The following ERBIN variants were observed in gnomAD, a reference collection of about 807,000 sequenced individuals.
The protein encoded by ERBIN is erbb2 interacting protein, also known as densin-180-like protein.
ERBIN carries 60 observed loss-of-function variants against 158.4 expected under a neutral mutation model. The observed-to-expected ratio is 0.38, with a 90% confidence interval of 0.31 to 0.47. The LOEUF (loss-of-function observed/expected upper bound fraction) is 0.47. Ranked by LOEUF, ERBIN falls within the 20% of genes least tolerant of loss-of-function variation. The pLI, the probability that ERBIN is intolerant of heterozygous loss-of-function variation, is 0.99. For missense variants in ERBIN, 1,610 were observed against 1,648.0 expected (o/e 0.98, Z 0.40); for synonymous variants, 594 against 557.2 (o/e 1.07, Z -0.93).
intron 14 of ERBIN, 45 bp downstream of exon 14, chr5:66,028,388 T>G (rs763954228): frequency 6.5e-7 from 1 of 1,527,870 alleles, no homozygotes; most frequent in Admixed American, 1.7e-5. Context: ...TTATTTGTGT[T>G]ATATAGTTTT....
intron 1 of ERBIN, among the ~76,000 whole-genome samples, chr5:65,982,236 A>G (rs1394725204): frequency 1.3e-5 from 2 of 152,088 alleles, no homozygotes; most frequent in African/African-American, 4.8e-5. Context: ...CAGGAGAAGA[A>G]CCCCAAATTG....
At chr5:66,076,700 T>A in intron 24 of ERBIN, 175 bp from the exon 25 acceptor site, 1 of 615,318 alleles carries the variant, frequency 1.6e-6, no homozygotes, top group Non-Finnish European at 2.9e-6. Context: ...ATCACTAAAG[T>A]CAGAATTACT....
At position 66,025,965 on chromosome 5, in the gene ERBIN, G is replaced by C. The variant is rs1756196454; in HGVS notation, c.1008G>C (p.Gln336His). The C allele has an allele frequency of 1.0e-5, 16 of 1,582,822 alleles. No homozygotes were observed. The highest frequency in any genetic ancestry group is 1.4e-5 in the Non-Finnish European group (16 of 1,168,508). Residue 336 changes from glutamine to histidine, a missense_variant, in exon 12 of 26, where the codon CAG becomes CAC. Around this residue, in one of 2 missense-constraint regions of ERBIN, gnomAD observed 596 missense variants for 711.9 expected, o/e 0.84. Transcript: ENST00000284037. ...CTGCTGATCATAATTACTTACAGCA[G>C]TTGCCCCCAGAGGTAATGTATTTTA... ...TFAADHNYLQQLPPEIGSWKN... is the reference protein window; with the variant it reads ...TFAADHNYLQHLPPEIGSWKN...
intron 7 of ERBIN, among the ~76,000 whole-genome samples, chr5:66,018,480 T>TATAATATATAA (rs1491284373): frequency 5.5e-4 from 3 of 5,502 alleles, no homozygotes; most frequent in South Asian, 7.4e-3. Context: ...ATATTATATA[T>TATAATATATAA]TATATATTAT....
At chr5:65,947,721 A>T (rs1745946276) in intron 1 of ERBIN, among the ~76,000 whole-genome samples, 1 of 152,140 alleles carries the variant, frequency 6.6e-6, no homozygotes, top group Non-Finnish European at 1.5e-5. Context: ...TTAAATCTTA[A>T]ATAAGCTGGA....
intron 14 of ERBIN, among the ~76,000 whole-genome samples, chr5:66,035,230 G>C (rs1439205391): frequency 6.6e-6 from 1 of 152,140 alleles, no homozygotes; most frequent in Non-Finnish European, 1.5e-5. Flanking sequence ...CTTCAGCCCA[G>C]TTCTTGTGCC....
chr5:65,933,393 A>T (rs776917800), intron 1 of ERBIN, among the ~76,000 whole-genome samples: 5 of 152,144 alleles, frequency 3.3e-5, no homozygotes, highest in Admixed American at 6.5e-5. Flanking sequence ...ATATTTAACG[A>T]GTTTCTCTTT....
rs140451519 is a variant in ERBIN, at chr5:66,071,556, A to G, written c.3634-613A>G. On this transcript the variant is annotated intron_variant, in intron 21 of 25. Coordinates refer to ENST00000284037, the MANE Select transcript of ERBIN (RefSeq NM_001253697.2). Reference sequence around the variant, plus strand: ...TTCTGAAACTATTGAACTCATATCAATGTGGCAGAATTAAGCTAAAGCAAA... The same window carrying G: ...TTCTGAAACTATTGAACTCATATCAGTGTGGCAGAATTAAGCTAAAGCAAA... Among the ~76,000 whole-genome samples, 179 of 152,248 alleles carry G rather than the reference A, an allele frequency of 1.2e-3. 1 individual carries two copies. Among genetic ancestry groups the G allele is most frequent in the Admixed American group, 1.9e-3 (29 of 15,288 alleles).
chr5:66,017,035 CT>C (rs1245171184), intron 7 of ERBIN, among the ~76,000 whole-genome samples: 1 of 152,028 alleles, frequency 6.6e-6, no homozygotes, highest in Non-Finnish European at 1.5e-5. Context: ...CAGGCAGCCT[CT>C]TTTATGGCTG....
At chr5:65,983,379 C>G (rs533473463) in intron 1 of ERBIN, among the ~76,000 whole-genome samples, 23 of 151,998 alleles carry the variant, frequency 1.5e-4, no homozygotes, top group Non-Finnish European at 2.5e-4. Flanking sequence ...TCTTACACAG[C>G]GTTTATAATT....
At chr5:65,932,756 G>A (rs1338448847) in intron 1 of ERBIN, among the ~76,000 whole-genome samples, 3 of 152,016 alleles carry the variant, frequency 2.0e-5, no homozygotes, top group African/African-American at 7.2e-5. Context: ...CTTGTTTTTG[G>A]AACAGAGTTT....
intron 7 of ERBIN, among the ~76,000 whole-genome samples, chr5:66,016,079 G>T (rs1206550895): frequency 6.6e-6 from 1 of 152,208 alleles, no homozygotes; most frequent in African/African-American, 2.4e-5. Flanking sequence ...TGAGGACAGA[G>T]ACTGTGTCTG....
chr5:65,992,512 A>G (rs1751986971), intron 2 of ERBIN, among the ~76,000 whole-genome samples, 198 bp from the exon 3 acceptor site: 1 of 152,214 alleles, frequency 6.6e-6, no homozygotes, highest in Non-Finnish European at 1.5e-5. Context: ...GAAGTACTAA[A>G]GAGCTTGAGT....
At chr5:65,999,406 T>G (rs892433154) in intron 4 of ERBIN, among the ~76,000 whole-genome samples, 2 of 152,184 alleles carry the variant, frequency 1.3e-5, no homozygotes, top group African/African-American at 4.8e-5. Context: ...CTAAGCTTAT[T>G]TAAATTTAAG....
chr5:65,985,666 A>G (rs1024122973), intron 1 of ERBIN, among the ~76,000 whole-genome samples: 1 of 152,172 alleles, frequency 6.6e-6, no homozygotes, highest in Non-Finnish European at 1.5e-5. Context: ...GATTGTTTCT[A>G]TCTATCTGTC....
At chr5:65,998,231 A>ATAT (rs1554055290) in intron 4 of ERBIN, among the ~76,000 whole-genome samples, 13 of 149,156 alleles carry the variant, frequency 8.7e-5, no homozygotes, top group African/African-American at 3.2e-4. Flanking sequence ...CTCAAAAAAA[A>ATAT]ATATATATAT....
At chr5:65,984,533 G>T (rs1751005849) in intron 1 of ERBIN, among the ~76,000 whole-genome samples, 1 of 152,224 alleles carries the variant, frequency 6.6e-6, no homozygotes, top group Non-Finnish European at 1.5e-5. Context: ...CCATGATTGG[G>T]AACTCACCAT....
intron 1 of ERBIN, among the ~76,000 whole-genome samples, chr5:65,935,127 C>T (rs1311798777): frequency 2.6e-5 from 4 of 152,100 alleles, no homozygotes; most frequent in African/African-American, 7.2e-5. Flanking sequence ...CACATATTTA[C>T]ATCTATTTTT....
chr5:66,042,870 T>C (rs1407060005), intron 15 of ERBIN, among the ~76,000 whole-genome samples: 1 of 152,090 alleles, frequency 6.6e-6, no homozygotes, highest in Non-Finnish European at 1.5e-5. Flanking sequence ...GAAGAAAGGA[T>C]ATGTGATTGA....
Sources: allele counts gnomAD v4.1 joint callset (sites outside exome capture counted in the v4.1 genomes callset), GRCh38; gene constraint gnomAD v4.1.1; regional missense constraint gnomAD v4.1.1; transcripts MANE v1.5; gene names NCBI Gene and HGNC (gene_info 2026-07-23, HGNC 2026-07-21).